Variants in VWA3A observed in about 807,000 individuals in gnomAD.
VWA3A encodes von Willebrand factor A domain containing 3A, also known as von Willebrand factor A domain-containing protein 3A.
A neutral mutation model predicts 160.4 loss-of-function variants in VWA3A; 134 were observed. The ratio of observed to expected loss-of-function variants is 0.84; its 90% CI spans 0.73 to 0.96. The LOEUF is 0.96. Ranked by LOEUF, VWA3A falls within the 40% of genes least tolerant of loss-of-function variation. The pLI is 0.00. For synonymous variants in VWA3A, 476 were observed against 543.4 expected (o/e 0.88, Z 1.72); for missense variants, 1,310 against 1,447.9 (o/e 0.90, Z 1.55).
At chr16:22,095,804 TCCTGCCTCAG>T (rs1240558503) in intron 1 of VWA3A, among the ~76,000 whole-genome samples, 2 of 152,122 alleles carry the variant, frequency 1.3e-5, no homozygotes, top group African/African-American at 4.8e-5. Flanking sequence ...TCAAGTGACC[TCCTGCCTCAG>T]CCTGCCTCCC....
chr16:22,145,640 CA>C (rs201708423), intron 26 of VWA3A, among the ~76,000 whole-genome samples: 1,421 of 87,012 alleles, frequency 0.016, 15 homozygotes, highest in East Asian at 0.081. Context: ...GACTCTGTCT[CA>C]AAAAAAAAAA....
chr16:22,121,759 A>G, intron 14 of VWA3A, 142 bp downstream of exon 14: 1 of 652,432 alleles, frequency 1.5e-6, no homozygotes, highest in East Asian at 2.7e-5. Flanking sequence ...CATCAAATCC[A>G]CTGTAGCTGT....
chr16:22,117,200 G>A, intron 11 of VWA3A, 24 bp downstream of exon 11: 1 of 1,565,868 alleles, frequency 6.4e-7, no homozygotes, highest in Non-Finnish European at 8.7e-7. Flanking sequence ...TCAACACATG[G>A]CCCCTCTTCT....
At chr16:22,095,913 AT>A (rs1333933757) in intron 1 of VWA3A, among the ~76,000 whole-genome samples, 6 of 151,934 alleles carry the variant, frequency 3.9e-5, no homozygotes, top group African/African-American at 1.5e-4. Context: ...ACTTTCCACA[AT>A]TTGTAATTAT....
At chr16:22,147,160 C>A (rs2046268492) in intron 27 of VWA3A, among the ~76,000 whole-genome samples, 1 of 152,140 alleles carries the variant, frequency 6.6e-6, no homozygotes, top group Non-Finnish European at 1.5e-5. Context: ...GGACCTGAGA[C>A]TACAGGCACG....
In VWA3A at chr16:22,152,618, G is replaced by T. The variant is rs770040448; in HGVS notation, c.3389G>T (p.Gly1130Val). Residue 1130 changes from glycine to valine, a missense_variant, in exon 31 of 34, where the codon GGC (glycine) becomes GTC (valine). Gly to Val is a moderately radical substitution (Grantham distance 109). Transcript: ENST00000389398. ...AAAATTCACAGCCTGCTGACCAAAG[G>T]CTTCATCAATGAAAAGGTAGGTTGC... is the stretch of plus-strand genomic sequence containing the variant. Reference protein sequence around the residue: ...LSKIHSLLTKGFINEKDPTLP... With the variant: ...LSKIHSLLTKVFINEKDPTLP... The T allele has an allele frequency of 6.8e-6, 11 of 1,606,670 alleles. 1 individual carries two copies. The highest frequency in any genetic ancestry group is 6.7e-5 in the South Asian group (6 of 89,508).
chr16:22,120,290 T>C (rs1034218305), intron 12 of VWA3A, among the ~76,000 whole-genome samples: 7 of 152,322 alleles, frequency 4.6e-5, no homozygotes, highest in African/African-American at 1.7e-4. Context: ...GTTTGCAAGA[T>C]GATTTTAGGT....
intron 29 of VWA3A, 74 bp from the exon 30 acceptor site, chr16:22,150,621 C>A: frequency 6.6e-7 from 1 of 1,506,632 alleles, no homozygotes; most frequent in South Asian, 1.3e-5. Context: ...GCAGGCACTA[C>A]CTTTAGGCAT....
chr16:22,141,622 G>T lies in VWA3A; in HGVS notation c.2424G>T (p.Arg808Ser), dbSNP rs1354292464. The T allele has an allele frequency of 6.2e-7, 1 of 1,612,678 alleles. No homozygotes were observed. Among genetic ancestry groups the T allele is most frequent in the Middle Eastern group, 1.7e-4 (1 of 6,060 alleles). Residue 808 changes from arginine (R) to serine (S), a missense_variant, in exon 24 of 34, where the codon AGG (arginine) becomes AGT (serine). Transcript: ENST00000389398. ...CGAAAGAAGGGATGATGGAACTGAG[G>T]AGGAAGACCAAGTCAAGGGAAGCAG... is the stretch of plus-strand genomic sequence containing the variant. Reference protein sequence around the residue: ...QPTKEGMMELRRKTKSREAET... With the variant: ...QPTKEGMMELSRKTKSREAET...
chr16:22,143,361 A>C (rs2046187716), intron 25 of VWA3A, among the ~76,000 whole-genome samples: 1 of 152,200 alleles, frequency 6.6e-6, no homozygotes, highest in South Asian at 2.1e-4. Context: ...AAGATTCTTT[A>C]AAGTGAAATC....
Position 22,138,261 on chromosome 16 carries a change from C to T in VWA3A, c.2140-99C>T. ...ACAAAAAGAGGAGTCCAGGGGACAT[C>T]AGAGGTTCCAGTGGATACAGTCCCT... On this transcript the variant is annotated intron_variant, in intron 21 of 33. Coordinates refer to ENST00000389398, the MANE Select transcript of VWA3A (RefSeq NM_173615.5). The T allele has an allele frequency of 3.5e-6, 5 of 1,409,540 alleles. No individual in the cohort carries two copies. In the South Asian group the frequency reaches 4.2e-5, roughly 12 times the overall value. 87.3% of individuals were successfully genotyped at this position (1,409,540 alleles called of 1,614,324 possible). A position where few individuals can be genotyped will look rare whatever the true frequency, so the allele number is the denominator to read the frequency against.
chr16:22,116,435 A>AAG (rs910867108), intron 9 of VWA3A: 11 of 453,900 alleles, frequency 2.4e-5, no homozygotes, highest in African/African-American at 6.2e-5. Flanking sequence ...AAGAGAGAGG[A>AAG]AGAGAGAGAG....
chr16:22,099,862 G>A (rs1265366221), intron 3 of VWA3A, among the ~76,000 whole-genome samples: 2 of 152,158 alleles, frequency 1.3e-5, no homozygotes, highest in African/African-American at 2.4e-5. Flanking sequence ...ATCACTTGAG[G>A]TCAGGAGTTT....
At chr16:22,141,386 G>A (rs777549298) in intron 23 of VWA3A, 196 bp from the exon 24 acceptor site, 1 of 644,708 alleles carries the variant, frequency 1.6e-6, no homozygotes, top group South Asian at 1.7e-5. Flanking sequence ...CTCAGTAAAT[G>A]GTAGCTATAG....
At chr16:22,115,875 A>C (rs2045624530) in intron 9 of VWA3A, among the ~76,000 whole-genome samples, 1 of 18,712 alleles carries the variant, frequency 5.3e-5, no homozygotes, top group Admixed American at 4.2e-4. Context: ...GGAAGGAAGG[A>C]AGGAAGGAAG....
In VWA3A at chr16:22,132,988, T is replaced by C. The variant is rs202009523; in HGVS notation, c.1961T>C (p.Met654Thr). ...CTCTTCTACGTGGGCGAGCCAAAGA[T>C]GGACACCACACCCCCTGCCCGCTAT... ...VCLFYVGEPKMDTTPPARYAS... is the reference protein window; with the variant it reads ...VCLFYVGEPKTDTTPPARYAS... Residue 654 changes from methionine (M) to threonine (T), a missense_variant, in exon 20 of 34, where the codon ATG (methionine) becomes ACG (threonine). By Grantham distance (81) the Met-to-Thr change is moderately conservative (BLOSUM62 -1). Coordinates refer to ENST00000389398, the MANE Select transcript of VWA3A (RefSeq NM_173615.5). The C allele has an allele frequency of 2.2e-5, 36 of 1,613,844 alleles. No individual in the cohort carries two copies. Among genetic ancestry groups the C allele is most frequent in the Middle Eastern group, 1.6e-4 (1 of 6,084 alleles).
intron 24 of VWA3A, among the ~76,000 whole-genome samples, 199 bp from the exon 25 acceptor site, chr16:22,142,469 G>A (rs887989871): frequency 1.4e-4 from 22 of 152,060 alleles, no homozygotes; most frequent in African/African-American, 3.6e-4. Context: ...CAGCCCTTGC[G>A]GCAAGTAATA....
At chr16:22,093,378 C>A (rs1273691060) in intron 1 of VWA3A, among the ~76,000 whole-genome samples, 1 of 151,868 alleles carries the variant, frequency 6.6e-6, no homozygotes, top group East Asian at 1.9e-4. Context: ...TGGGGAAAGA[C>A]AAAGCCAGGT....
intron 6 of VWA3A, among the ~76,000 whole-genome samples, chr16:22,103,983 G>A (rs1408031541): frequency 6.6e-6 from 1 of 152,162 alleles, no homozygotes; most frequent in Admixed American, 6.5e-5. Flanking sequence ...AGACAGGGGG[G>A]AAGGGGAAAG....
Sources: gnomAD v4.1 joint callset for allele counts (sites outside exome capture counted in the v4.1 genomes callset) on GRCh38, gnomAD v4.1.1 for gene constraint, MANE v1.5 for transcripts, NCBI Gene and HGNC (gene_info 2026-07-23, HGNC 2026-07-21) for gene names.